Variants in HYCC1 observed in about 807,000 individuals in gnomAD.
The protein encoded by HYCC1 is hyccin.
the HYCC1 span, among the ~76,000 whole-genome samples, chr7:22,914,125 G>GA: frequency 6.6e-6 from 1 of 152,328 alleles, no homozygotes; most frequent in African/African-American, 2.4e-5. Flanking sequence ...ACAGACTCAG[G>GA]AAGACAGTCT....
the HYCC1 span, among the ~76,000 whole-genome samples, chr7:22,919,350 G>A: frequency 2.0e-5 from 3 of 152,176 alleles, no homozygotes; most frequent in Admixed American, 1.3e-4. Context: ...CCAACATGGC[G>A]AAACCCCATC....
the HYCC1 span, among the ~76,000 whole-genome samples, chr7:22,975,530 A>T: frequency 6.6e-6 from 1 of 152,220 alleles, no homozygotes; most frequent in Non-Finnish European, 1.5e-5. Context: ...CTTAGTTCCA[A>T]ATTAGAGCAC....
At chr7:22,991,219 T>C in the HYCC1 span, 1 of 910,160 alleles carries the variant, frequency 1.1e-6, no homozygotes, top group Non-Finnish European at 1.7e-6. Context: ...GATAATCCTA[T>C]AAAGTTTTTA....
At chr7:22,923,390 G>A in the HYCC1 span, among the ~76,000 whole-genome samples, 3 of 152,204 alleles carry the variant, frequency 2.0e-5, no homozygotes, top group South Asian at 6.2e-4. Context: ...CAAACTTGTT[G>A]GACATGGCTA....
the HYCC1 span, among the ~76,000 whole-genome samples, chr7:22,978,640 T>C: frequency 6.6e-6 from 1 of 152,162 alleles, no homozygotes; most frequent in Non-Finnish European, 1.5e-5. Flanking sequence ...ATATAAAGGA[T>C]TGACTATGGG....
chr7:22,999,664 C>T, the HYCC1 span, among the ~76,000 whole-genome samples: 1 of 151,944 alleles, frequency 6.6e-6, no homozygotes, highest in Non-Finnish European at 1.5e-5. Flanking sequence ...AATGGGAGGT[C>T]GTATATGCAA....
At chr7:22,959,752 CAT>C in the HYCC1 span, among the ~76,000 whole-genome samples, 2 of 152,052 alleles carry the variant, frequency 1.3e-5, no homozygotes, top group African/African-American at 4.8e-5. Flanking sequence ...TACACACACA[CAT>C]ACACAGAATC....
chr7:22,966,613 T>C, the HYCC1 span, among the ~76,000 whole-genome samples: 2 of 152,204 alleles, frequency 1.3e-5, no homozygotes, highest in Non-Finnish European at 2.9e-5. Flanking sequence ...CTTCACTTAA[T>C]ATAATACTAG....
At chr7:22,946,880 A>G in the HYCC1 span, 1 of 1,267,482 alleles carries the variant, frequency 7.9e-7, no homozygotes, top group African/African-American at 1.5e-5. Context: ...TTTGGATTAG[A>G]TTACATGCAA....
At chr7:22,978,042 A>C in the HYCC1 span, 1 of 598,160 alleles carries the variant, frequency 1.7e-6, no homozygotes, top group Non-Finnish European at 3.0e-6. Flanking sequence ...AAAGAAATGA[A>C]ATGGTCTGAT....
chr7:22,907,104 C>CAAAAA, the HYCC1 span, among the ~76,000 whole-genome samples: 3,375 of 43,502 alleles, frequency 0.078, 604 homozygotes, highest in Non-Finnish European at 0.11. Flanking sequence ...GACTCTATCT[C>CAAAAA]AAAAAAAAAA....
chr7:22,934,234 T>TTTTTTTTTTTTTTTC, the HYCC1 span: 1 of 122,436 alleles, frequency 8.2e-6, no homozygotes, highest in African/African-American at 3.4e-5. Flanking sequence ...TTTTTTTTTT[T>TTTTTTTTTTTTTTTC]CCCTCTCTGA....
the HYCC1 span, among the ~76,000 whole-genome samples, chr7:22,988,888 C>T: frequency 4.6e-5 from 7 of 152,178 alleles, no homozygotes; most frequent in Admixed American, 6.5e-5. Context: ...TTCACCCCAA[C>T]CACCTACTTC....
chr7:22,957,035 TC>T, the HYCC1 span, among the ~76,000 whole-genome samples: 1 of 151,890 alleles, frequency 6.6e-6, no homozygotes, highest in Non-Finnish European at 1.5e-5. Context: ...TAAAATACAT[TC>T]TAGGATAGCT....
chr7:23,004,962 T>C, the HYCC1 span, among the ~76,000 whole-genome samples: 37 of 152,196 alleles, frequency 2.4e-4, no homozygotes, highest in Middle Eastern at 6.8e-3. Flanking sequence ...CGTGCCACCA[T>C]GCCCGGCTAA....
At chr7:22,978,552 T>C in the HYCC1 span, 1 of 976,654 alleles carries the variant, frequency 1.0e-6, no homozygotes, top group Non-Finnish European at 1.6e-6. Flanking sequence ...ATCATATCTT[T>C]TTAAGTTCTT....
the HYCC1 span, among the ~76,000 whole-genome samples, chr7:22,965,335 AC>A: frequency 6.6e-6 from 1 of 151,854 alleles, no homozygotes; most frequent in Non-Finnish European, 1.5e-5. Flanking sequence ...ATGTTTAAAA[AC>A]CACAAAGGAA....
the HYCC1 span, chr7:22,945,601 C>A: frequency 6.2e-7 from 1 of 1,607,062 alleles, no homozygotes; most frequent in Non-Finnish European, 8.5e-7. Flanking sequence ...AATCTGTGGA[C>A]AGAGTAATGC....
chr7:22,914,388 G>A, the HYCC1 span, among the ~76,000 whole-genome samples: 6 of 151,850 alleles, frequency 4.0e-5, no homozygotes, highest in East Asian at 1.9e-4. Context: ...AACTTCCACC[G>A]TCTATTCCCC....
Sources: allele counts gnomAD v4.1 joint callset (sites outside exome capture counted in the v4.1 genomes callset), GRCh38; gene constraint gnomAD v4.1.1; transcripts MANE v1.5; gene names NCBI Gene and HGNC (gene_info 2026-07-23, HGNC 2026-07-21).